The following CDC27 variants were observed in gnomAD, a reference collection of about 807,000 sequenced individuals.
CDC27 encodes cell division cycle protein 27 homolog.
A neutral mutation model predicts 109.7 loss-of-function variants in CDC27; 27 were observed. The observed-to-expected ratio is 0.25, with a 90% CI of 0.18 to 0.34. The LOEUF (loss-of-function observed/expected upper bound fraction) is 0.34, where lower values mean the gene tolerates loss of function less well. Ranked by LOEUF, CDC27 falls within the 10% of genes least tolerant of loss-of-function variation. The pLI is 1.00. For missense variants in CDC27, 579 were observed against 960.2 expected, an observed-to-expected ratio of 0.60 and a Z score of 5.25; for synonymous variants, 266 against 333.9, an observed-to-expected ratio of 0.80 and a Z score of 2.22.
chr17:47,145,918 T>C (rs975159689), intron 9 of CDC27, among the ~76,000 whole-genome samples: 2 of 150,536 alleles, frequency 1.3e-5, no homozygotes, highest in African/African-American at 4.9e-5. Flanking sequence ...AAGTCAACCA[T>C]GTGATTAGAG....
Position 47,173,424 on chromosome 17 carries a change from T to C in CDC27, c.104-1360A>G, listed in dbSNP as rs1301254082. On this transcript the variant is annotated intron_variant, in intron 2 of 18. Transcript: ENST00000066544. The stretch of plus-strand genomic sequence containing the variant: ...CACTGCAGTAGGAATAAACTATTAA[T>C]TTTACTGAGCTACAACTTCTAATTT... Among the ~76,000 whole-genome samples the C allele has an allele frequency of 1.3e-5, 2 of 152,022 alleles. 1 individual carries two copies. Among genetic ancestry groups the C allele is most frequent in the African/African-American group, 4.8e-5 (2 of 41,420 alleles).
At chr17:47,137,065 T>C (rs2062629035) in intron 14 of CDC27, 87 bp downstream of exon 14, 12 of 656,674 alleles carry the variant, frequency 1.8e-5, no homozygotes, top group Non-Finnish European at 2.9e-5. Flanking sequence ...ACCAAATTCA[T>C]GATAATAAAG....
In CDC27 at chr17:47,132,302, A is replaced by G. The variant is rs2062368941; in HGVS notation, c.1986T>C (p.Leu662=). 6.2e-7 allele frequency: 1 copy of G among 1,604,730 alleles called. No homozygotes were observed. The highest frequency in any genetic ancestry group is 8.5e-7 in the Non-Finnish European group (1 of 1,174,356). The change falls in exon 15 of 19, where the codon CTT becomes CTC. Residue 662 remains leucine, a synonymous_variant. Transcript: ENST00000066544. ...AAACTGAACTTTGAGGGTTGATATC[A>G]AGCGCTTTTTGGAAATGCATTTCTG... The part of the protein sequence containing the change: ...SLAEMHFQKA[L]DINPQSSVLL...
At chr17:47,147,974 G>A (rs1394233917) in intron 9 of CDC27, among the ~76,000 whole-genome samples, 1 of 151,228 alleles carries the variant, frequency 6.6e-6, no homozygotes. Context: ...GCCAAGGTGG[G>A]CGGATCACGA....
chr17:47,140,927 C>G lies in CDC27; in HGVS notation c.1551+926G>C, dbSNP rs537511290. Among the ~76,000 whole-genome samples, 4 of 152,336 alleles carry G rather than the reference C, an allele frequency of 2.6e-5. No homozygotes were observed. The South Asian group carries it at 6.2e-4, about 24-fold the overall frequency. ...CATGAAGGGAAGAGTAACCTTCCCT[C>G]TGAGTACATAAAAACAAAAACACCA... On this transcript the variant is annotated intron_variant, in intron 12 of 18. Transcript: ENST00000066544.
intron 1 of CDC27, among the ~76,000 whole-genome samples, chr17:47,185,860 T>C (rs2064414621): frequency 6.6e-6 from 1 of 152,264 alleles, no homozygotes; most frequent in South Asian, 2.1e-4. Flanking sequence ...CAGTGGTTCT[T>C]ACTCTGGGCA....
chr17:47,135,328 A>G (rs912880710), intron 14 of CDC27, among the ~76,000 whole-genome samples: 2 of 152,118 alleles, frequency 1.3e-5, no homozygotes, highest in Non-Finnish European at 2.9e-5. Context: ...ATATGCAGGT[A>G]TTTCTCCTGA....
chr17:47,149,561 A>T (rs2063090896), intron 9 of CDC27, among the ~76,000 whole-genome samples: 1 of 151,020 alleles, frequency 6.6e-6, no homozygotes, highest in Non-Finnish European at 1.5e-5. Flanking sequence ...TTCAAGGTGG[A>T]GGAAAATGAT....
chr17:47,179,716 G>A (rs1192424172), intron 2 of CDC27, among the ~76,000 whole-genome samples: 2 of 152,098 alleles, frequency 1.3e-5, no homozygotes, highest in African/African-American at 4.8e-5. Flanking sequence ...TAAACCGAAT[G>A]GTGAGGTTCT....
At chr17:47,133,207 C>T (rs1458267338) in intron 14 of CDC27, among the ~76,000 whole-genome samples, 2 of 147,036 alleles carry the variant, frequency 1.4e-5, no homozygotes, top group African/African-American at 5.0e-5. Flanking sequence ...GGTGCAATCT[C>T]GGCTCACCAC....
chr17:47,188,723 A>T, intron 1 of CDC27: 1 of 1,008,224 alleles, frequency 9.9e-7, no homozygotes, highest in Non-Finnish European at 1.2e-6. Context: ...AAAATAAAAA[A>T]AACCTCCGTA....
At chr17:47,176,982 T>C (rs2064038845) in intron 2 of CDC27, among the ~76,000 whole-genome samples, 1 of 152,178 alleles carries the variant, frequency 6.6e-6, no homozygotes, top group African/African-American at 2.4e-5. Flanking sequence ...AGTATCCTGG[T>C]TAATAGAAAA....
At chr17:47,187,253 T>C (rs1358761786) in intron 1 of CDC27, among the ~76,000 whole-genome samples, 1 of 152,196 alleles carries the variant, frequency 6.6e-6, no homozygotes, top group African/African-American at 2.4e-5. Context: ...ATGGGTACTA[T>C]CTAGAAACAG....
intron 14 of CDC27, 121 bp downstream of exon 14, chr17:47,137,031 A>G (rs1182087764): frequency 1.9e-6 from 1 of 513,944 alleles, no homozygotes; most frequent in Non-Finnish European, 3.4e-6. Context: ...ATTGACCAGT[A>G]TGTACCATCC....
In CDC27 at chr17:47,124,564, G is replaced by A. The variant is rs191238420; in HGVS notation, c.2161-604C>T. ...CTACCAAAGTGCTGGGATTACAGGC[G>A]TGAGCCACCATGCCCGGCCCAGTGA... On this transcript the variant is annotated intron_variant, in intron 16 of 18. Transcript: ENST00000066544. 5.0e-3 allele frequency among the ~76,000 whole-genome samples: 755 copies of A among 152,216 alleles called. 8 individuals carry two copies. The highest frequency in any genetic ancestry group is 0.017 in the African/African-American group (719 of 41,550).
At chr17:47,179,213 A>G (rs2148994584) in intron 2 of CDC27, among the ~76,000 whole-genome samples, 1 of 152,342 alleles carries the variant, frequency 6.6e-6, no homozygotes, top group South Asian at 2.1e-4. Flanking sequence ...GATCCTACTG[A>G]TCAACTGCTT....
chr17:47,138,102 C>T (rs1480603829), intron 13 of CDC27, among the ~76,000 whole-genome samples: 1 of 152,050 alleles, frequency 6.6e-6, no homozygotes, highest in Admixed American at 6.6e-5. Context: ...CACCCAGCAG[C>T]ATTCTCTCTT....
rs1310617526 is a variant in CDC27, at chr17:47,120,145, C to T, written c.*790G>A. ...GTTTTGGCTTCTCAGTGGGGAACCA[C>T]TCTATCATCTCTGAATGTTAAAGGT... On this transcript the variant is annotated 3_prime_UTR_variant, in exon 19 of 19. Coordinates refer to ENST00000066544, the MANE Select transcript of CDC27 (RefSeq NM_001256.6). 6.6e-6 allele frequency: 1 copy of T among 152,114 alleles called. No individual in the cohort carries two copies. The highest frequency in any genetic ancestry group is 1.5e-5 in the Non-Finnish European group (1 of 68,020). The allele number at this position is 152,114 out of a possible 1,614,324, so 9.4% of individuals were successfully genotyped here.
intron 2 of CDC27, among the ~76,000 whole-genome samples, chr17:47,175,031 G>C (rs991670702): frequency 7.1e-6 from 1 of 140,444 alleles, no homozygotes; most frequent in Admixed American, 7.7e-5. Context: ...AAGAGAGAAA[G>C]AGAGAGAGAG....
Sources: gnomAD v4.1 joint callset for allele counts (sites outside exome capture counted in the v4.1 genomes callset) on GRCh38, gnomAD v4.1.1 for gene constraint, MANE v1.5 for transcripts, NCBI Gene and HGNC (gene_info 2026-07-23, HGNC 2026-07-21) for gene names.